Variants in SMAD3 observed in about 807,000 individuals in gnomAD.
SMAD3 encodes the protein SMAD family member 3, also known as MAD homolog 3.
SMAD3 carries 12 observed loss-of-function variants against 51.8 expected under a neutral mutation model. That is an observed-to-expected ratio of 0.23 (90% CI 0.15 to 0.38). The LOEUF (loss-of-function observed/expected upper bound fraction) is 0.38. Ranked by LOEUF, SMAD3 falls within the 10% of genes least tolerant of loss-of-function variation. SMAD3 has a pLI of 1.00. For synonymous variants in SMAD3, 238 were observed against 227.7 expected (o/e 1.05, Z -0.41); for missense variants, 294 against 565.6 (o/e 0.52, Z 4.87).
At position 67,170,174 on chromosome 15, in the gene SMAD3, C is replaced by T. The variant is rs575199465; in HGVS notation, c.608-380C>T. ...GGGAGAAGGGCTTCCCTGCTCCTCT[C>T]ATTTTCCTGAGGGCATAGTTAATAG... On this transcript the variant is annotated intron_variant, in intron 4 of 8. Transcript: ENST00000327367. 2.6e-5 allele frequency among the ~76,000 whole-genome samples: 4 copies of T among 152,280 alleles called. No homozygotes were observed. In the East Asian group the frequency reaches 7.7e-4, roughly 29 times the overall value.
In SMAD3 at chr15:67,128,412, A is replaced by G. The variant is rs180833506; in HGVS notation, c.207-36483A>G. 1.1e-4 allele frequency among the ~76,000 whole-genome samples: 16 copies of G among 152,252 alleles called. No individual in the cohort carries two copies. The South Asian group carries it at 2.1e-3, about 20-fold the overall frequency. ...CCGAGTCCCTCAACCTTTTTGCCTC[A>G]GCTTCCTTATCTGTAAAACATGGGG... is the stretch of plus-strand genomic sequence containing the variant. On this transcript the variant is annotated intron_variant, in intron 1 of 8. Coordinates refer to ENST00000327367, the MANE Select transcript of SMAD3 (RefSeq NM_005902.4).
intron 1 of SMAD3, among the ~76,000 whole-genome samples, chr15:67,107,315 G>T (rs1018627455): frequency 6.6e-6 from 1 of 152,166 alleles, no homozygotes; most frequent in Non-Finnish European, 1.5e-5. Flanking sequence ...CTTTATCTGG[G>T]TGGAGGGGAG....
chr15:67,115,338 A>G (rs926892693), intron 1 of SMAD3, among the ~76,000 whole-genome samples: 1 of 152,188 alleles, frequency 6.6e-6, no homozygotes, highest in African/African-American at 2.4e-5. Context: ...TTCTCAGAAC[A>G]GAACAGGTAG....
At position 67,193,274 on chromosome 15, in the gene SMAD3, C is replaced by T; in HGVS notation, c.*2738C>T. On this transcript the variant is annotated 3_prime_UTR_variant, in exon 9 of 9. Coordinates refer to ENST00000327367, the MANE Select transcript of SMAD3 (RefSeq NM_005902.4). The stretch of plus-strand genomic sequence containing the variant: ...CAGTTTTAAGTGGCGTTCACCTAGT[C>T]AACACGACCGCGTGTGTTGCCCCTG... The T allele has an allele frequency of 4.3e-6, 1 of 233,426 alleles. No individual in the cohort carries two copies. Among genetic ancestry groups the T allele is most frequent in the South Asian group, 1.8e-4 (1 of 5,526 alleles). 14.5% of individuals were successfully genotyped at this position (233,426 alleles called of 1,614,324 possible).
At chr15:67,092,424 G>A (rs188306309) in intron 1 of SMAD3, among the ~76,000 whole-genome samples, 1 of 152,354 alleles carries the variant, frequency 6.6e-6, no homozygotes, top group Admixed American at 6.5e-5. Flanking sequence ...TTCTCAAAGT[G>A]TGGCCCTGGG....
intron 1 of SMAD3, among the ~76,000 whole-genome samples, chr15:67,147,871 T>C (rs962622389): frequency 1.3e-5 from 2 of 152,214 alleles, no homozygotes; most frequent in Non-Finnish European, 2.9e-5. Flanking sequence ...TGCCACTGTT[T>C]AGTTGATGTT....
chr15:67,135,417 G>T (rs1566979575), intron 1 of SMAD3, among the ~76,000 whole-genome samples: 1 of 152,170 alleles, frequency 6.6e-6, no homozygotes, highest in Non-Finnish European at 1.5e-5. Flanking sequence ...GGACAGAAAG[G>T]GGTCAAAACA....
chr15:67,095,864 C>G (rs960131622), intron 1 of SMAD3, among the ~76,000 whole-genome samples: 1 of 152,196 alleles, frequency 6.6e-6, no homozygotes, highest in Non-Finnish European at 1.5e-5. Flanking sequence ...TTCTCTTTGA[C>G]CTAGTGTTTT....
chr15:67,120,871 A>AT (rs1961243700), intron 1 of SMAD3, among the ~76,000 whole-genome samples: 1 of 151,878 alleles, frequency 6.6e-6, no homozygotes, highest in South Asian at 2.1e-4. Flanking sequence ...TTTTGCGATT[A>AT]TTTTTTAGCT....
At chr15:67,148,229 C>T (rs986385450) in intron 1 of SMAD3, among the ~76,000 whole-genome samples, 1 of 152,106 alleles carries the variant, frequency 6.6e-6, no homozygotes, top group African/African-American at 2.4e-5. Context: ...CCGTTGAACC[C>T]ATCATTTTTT....
intron 1 of SMAD3, among the ~76,000 whole-genome samples, chr15:67,089,067 C>A (rs887003697): frequency 6.6e-6 from 1 of 152,142 alleles, no homozygotes; most frequent in African/African-American, 2.4e-5. Flanking sequence ...TCCAGGGAGA[C>A]CCCAAATAAA....
rs80158524 is a variant in SMAD3, at chr15:67,134,592, C to T, written c.207-30303C>T. ...ACCCTACCTCCAGCTTCTCCAGCTC[C>T]CTTTCCTTGGCAAACACTTGACCCA... On this transcript the variant is annotated intron_variant, in intron 1 of 8. Transcript: ENST00000327367. 1.9e-3 allele frequency among the ~76,000 whole-genome samples: 288 copies of T among 152,292 alleles called. 1 individual carries two copies. Among genetic ancestry groups the T allele is most frequent in the Non-Finnish European group, 3.2e-3 (215 of 68,024 alleles).
intron 1 of SMAD3, among the ~76,000 whole-genome samples, chr15:67,107,811 T>G (rs1960912886): frequency 6.6e-6 from 1 of 152,084 alleles, no homozygotes; most frequent in Non-Finnish European, 1.5e-5. Flanking sequence ...GAGTGGGGAA[T>G]TTTGGGTTTG....
intron 1 of SMAD3, among the ~76,000 whole-genome samples, chr15:67,113,597 G>A (rs764683458): frequency 6.6e-6 from 1 of 152,184 alleles, no homozygotes; most frequent in African/African-American, 2.4e-5. Flanking sequence ...GTTGGAAGTA[G>A]CCTGCACATT....
chr15:67,165,943 G>A (rs1962576384), intron 3 of SMAD3: 1 of 163,280 alleles, frequency 6.1e-6, no homozygotes, highest in Admixed American at 5.9e-5. Flanking sequence ...AATAACGTGT[G>A]AATCACCAGC....
intron 1 of SMAD3, among the ~76,000 whole-genome samples, chr15:67,143,539 A>AT (rs1359198289): frequency 6.6e-6 from 1 of 152,174 alleles, no homozygotes; most frequent in Non-Finnish European, 1.5e-5. Context: ...GGTTCAAGTG[A>AT]TTCTCATGCC....
At chr15:67,121,981 A>AT (rs1053373965) in intron 1 of SMAD3, among the ~76,000 whole-genome samples, 3 of 152,186 alleles carry the variant, frequency 2.0e-5, no homozygotes, top group African/African-American at 7.2e-5. Flanking sequence ...ATTAAATACA[A>AT]TTACAAATGC....
At chr15:67,087,465 C>A (rs1013974562) in intron 1 of SMAD3, among the ~76,000 whole-genome samples, 1 of 152,128 alleles carries the variant, frequency 6.6e-6, no homozygotes, top group African/African-American at 2.4e-5. Context: ...TAGGATTGTT[C>A]TTGGTTTCAG....
At chr15:67,174,075 G>T (rs1962824411) in intron 5 of SMAD3, among the ~76,000 whole-genome samples, 1 of 152,226 alleles carries the variant, frequency 6.6e-6, no homozygotes, top group Admixed American at 6.5e-5. Context: ...CCCATAGCGG[G>T]GCCTGAGAGA....
Sources: allele counts gnomAD v4.1 joint callset (sites outside exome capture counted in the v4.1 genomes callset), GRCh38; gene constraint gnomAD v4.1.1; transcripts MANE v1.5; gene names NCBI Gene and HGNC (gene_info 2026-07-23, HGNC 2026-07-21).